PGCKA1: variants seen among roughly 807,000 people sequenced by gnomAD.
PGCKA1 encodes PDCD10 and GCKIII kinases associated 1.
the PGCKA1 span, among the ~76,000 whole-genome samples, chr4:37,506,622 T>G: frequency 1.3e-5 from 2 of 152,002 alleles, no homozygotes; most frequent in Non-Finnish European, 2.9e-5. Flanking sequence ...TCTAATTTTA[T>G]TTAATTGTGG....
chr4:37,562,440 T>C, the PGCKA1 span, among the ~76,000 whole-genome samples: 12 of 152,256 alleles, frequency 7.9e-5, no homozygotes, highest in Non-Finnish European at 1.5e-4. Context: ...TCCAGATTCA[T>C]GGCCTAAAAA....
chr4:37,554,694 A>G, the PGCKA1 span, among the ~76,000 whole-genome samples: 1 of 152,240 alleles, frequency 6.6e-6, no homozygotes, highest in Non-Finnish European at 1.5e-5. Flanking sequence ...GGAATTTTTC[A>G]AAGTCTTCCT....
chr4:37,534,720 A>T, the PGCKA1 span, among the ~76,000 whole-genome samples: 1 of 152,118 alleles, frequency 6.6e-6, no homozygotes, highest in Admixed American at 6.5e-5. Context: ...GCAGAAGGGG[A>T]GGGCAGCTCC....
At chr4:37,500,022 A>G in the PGCKA1 span, among the ~76,000 whole-genome samples, 3 of 141,124 alleles carry the variant, frequency 2.1e-5, no homozygotes, top group Non-Finnish European at 4.5e-5. Context: ...TCCTGGGTTC[A>G]TGCCATTCTC....
chr4:37,569,818 C>A, the PGCKA1 span, among the ~76,000 whole-genome samples: 1 of 152,102 alleles, frequency 6.6e-6, no homozygotes, highest in Non-Finnish European at 1.5e-5. Context: ...GACCAGGGAG[C>A]CTTTTCCAGG....
chr4:37,561,594 G>A, the PGCKA1 span, among the ~76,000 whole-genome samples: 1 of 151,910 alleles, frequency 6.6e-6, no homozygotes, highest in African/African-American at 2.4e-5. Context: ...AGCTGTGTAT[G>A]AGATAGAAAA....
the PGCKA1 span, among the ~76,000 whole-genome samples, chr4:37,545,774 A>G: frequency 2.0e-5 from 3 of 151,882 alleles, no homozygotes; most frequent in African/African-American, 7.2e-5. Flanking sequence ...AACTCTGTAT[A>G]TTGTCCTCCT....
chr4:37,463,958 C>T, the PGCKA1 span, among the ~76,000 whole-genome samples: 5 of 152,130 alleles, frequency 3.3e-5, no homozygotes, highest in East Asian at 1.9e-4. Flanking sequence ...TGGAGCACAT[C>T]GCAGGTCCCC....
chr4:37,458,134 A>C, the PGCKA1 span, among the ~76,000 whole-genome samples: 1 of 152,326 alleles, frequency 6.6e-6, no homozygotes, highest in East Asian at 1.9e-4. Flanking sequence ...ACAGGTGAGG[A>C]AACTGAGTCT....
the PGCKA1 span, among the ~76,000 whole-genome samples, chr4:37,469,451 G>T: frequency 7.2e-5 from 11 of 151,916 alleles, no homozygotes; most frequent in Non-Finnish European, 1.6e-4. Context: ...GAGAAAGCGT[G>T]GAAGAGCAGC....
the PGCKA1 span, among the ~76,000 whole-genome samples, chr4:37,571,926 A>G: frequency 6.7e-6 from 1 of 149,906 alleles, no homozygotes; most frequent in African/African-American, 2.5e-5. Flanking sequence ...GCCGCCACAC[A>G]CAGCCATATA....
At chr4:37,478,144 C>A in the PGCKA1 span, among the ~76,000 whole-genome samples, 25 of 102,592 alleles carry the variant, frequency 2.4e-4, no homozygotes, top group African/African-American at 6.7e-4. Context: ...TTAAAAACAC[C>A]CCCCCCCACC....
At chr4:37,481,377 A>G in the PGCKA1 span, among the ~76,000 whole-genome samples, 2 of 148,570 alleles carry the variant, frequency 1.3e-5, no homozygotes, top group African/African-American at 5.0e-5. Flanking sequence ...ACGCAGGAGA[A>G]TCGCTTGAAC....
At chr4:37,558,713 T>G in the PGCKA1 span, among the ~76,000 whole-genome samples, 3 of 123,702 alleles carry the variant, frequency 2.4e-5, no homozygotes, top group Non-Finnish European at 5.1e-5. Context: ...AGGGCTAATA[T>G]CCAGAATCTA....
At chr4:37,483,622 G>A in the PGCKA1 span, among the ~76,000 whole-genome samples, 1 of 152,216 alleles carries the variant, frequency 6.6e-6, no homozygotes, top group African/African-American at 2.4e-5. Context: ...GGAAAAAGGA[G>A]CCAACAGTAT....
the PGCKA1 span, among the ~76,000 whole-genome samples, chr4:37,492,316 A>G: frequency 6.6e-6 from 1 of 152,156 alleles, no homozygotes. The surrounding 1 kb of genome is among the most constrained non-coding windows in gnomAD (Gnocchi z 4.7). Context: ...GCTCATATAT[A>G]AGAGCAAGGG....
At chr4:37,507,236 C>T in the PGCKA1 span, among the ~76,000 whole-genome samples, 2 of 152,008 alleles carry the variant, frequency 1.3e-5, no homozygotes, top group Non-Finnish European at 2.9e-5. Context: ...ATCCATTCAG[C>T]CAATCAATGT....
At chr4:37,482,793 A>C in the PGCKA1 span, among the ~76,000 whole-genome samples, 1 of 152,210 alleles carries the variant, frequency 6.6e-6, no homozygotes, top group African/African-American at 2.4e-5. Flanking sequence ...TGCTCTGTGC[A>C]GCCTCAGGAC....
the PGCKA1 span, among the ~76,000 whole-genome samples, chr4:37,456,181 A>G: frequency 1.1e-4 from 16 of 145,022 alleles, no homozygotes; most frequent in East Asian, 8.0e-4. Flanking sequence ...GCCGACTTGG[A>G]GTCTTCACCT....
Sources: allele counts gnomAD v4.1 joint callset (sites outside exome capture counted in the v4.1 genomes callset), GRCh38; gene constraint gnomAD v4.1.1; non-coding constraint Gnocchi (gnomAD v3.1); transcripts MANE v1.5; gene names NCBI Gene and HGNC (gene_info 2026-07-23, HGNC 2026-07-21).